Variants in RAPGEF1 observed in about 807,000 individuals in gnomAD.
RAPGEF1 encodes CRK SH3-binding GNRP.
A neutral mutation model predicts 143.3 loss-of-function variants in RAPGEF1; 33 were observed. The observed-to-expected ratio is 0.23, with a 90% confidence interval of 0.17 to 0.31. The LOEUF (loss-of-function observed/expected upper bound fraction) is 0.31. Among genes scored for constraint, RAPGEF1 ranks in the 10% least tolerant of loss-of-function variants. RAPGEF1 has a pLI of 1.00. For missense variants in RAPGEF1, 1,199 were observed against 1,645.4 expected (o/e 0.73, Z 4.69); for synonymous variants, 629 against 676.5 (o/e 0.93, Z 1.09).
intron 5 of RAPGEF1, among the ~76,000 whole-genome samples, chr9:131,637,704 GA>G (rs1966739765): frequency 6.6e-6 from 1 of 152,214 alleles, no homozygotes; most frequent in Admixed American, 6.5e-5. Context: ...GCTAAGGCCT[GA>G]CTGCTCCGTA....
At chr9:131,685,324 T>A (rs1262119798) in intron 1 of RAPGEF1, among the ~76,000 whole-genome samples, 4 of 152,162 alleles carry the variant, frequency 2.6e-5, no homozygotes. Flanking sequence ...CCCCCCAAAA[T>A]CTGGCCATAA....
At chr9:131,737,532 G>T in intron 1 of RAPGEF1, 1 of 1,611,044 alleles carries the variant, frequency 6.2e-7, no homozygotes, top group Non-Finnish European at 8.5e-7. Flanking sequence ...GCGGTGCCCA[G>T]AAAAGGCCCA....
chr9:131,629,011 A>C, intron 7 of RAPGEF1, 91 bp downstream of exon 7: 2 of 1,483,678 alleles, frequency 1.3e-6, no homozygotes, highest in Non-Finnish European at 1.8e-6. Context: ...CCAAGCCCTC[A>C]GCGCTGAGGG....
rs1972268825 is a variant in RAPGEF1, at chr9:131,655,699, T to C, written c.62-4750A>G. ...TGAATCCAGGAGGCAGAGCATGCAG[T>C]GCAAGATTGCACCACTGCACTCCAG... On this transcript the variant is annotated intron_variant, in intron 1 of 26. Transcript: ENST00000683357. The surrounding 1 kb of genome is among the most constrained non-coding windows in gnomAD (Gnocchi z 4.1). Among the ~76,000 whole-genome samples, 1 of 152,128 alleles carries C rather than the reference T, an allele frequency of 6.6e-6. No homozygotes were observed. Among genetic ancestry groups the C allele is most frequent in the Admixed American group, 6.5e-5 (1 of 15,284 alleles).
chr9:131,594,099 G>A (rs1485394142), intron 17 of RAPGEF1, among the ~76,000 whole-genome samples: 2 of 152,180 alleles, frequency 1.3e-5, no homozygotes, highest in East Asian at 1.9e-4. Flanking sequence ...CGGGGTCGGC[G>A]CCCATGTCTG....
chr9:131,729,865 T>A (rs1836913845), intron 1 of RAPGEF1, among the ~76,000 whole-genome samples: 1 of 152,104 alleles, frequency 6.6e-6, no homozygotes, highest in South Asian at 2.1e-4. Context: ...ATCATCCTCA[T>A]CTGGGAAAAA....
rs902525420 is a variant in RAPGEF1, at chr9:131,626,324, A to C, written c.1300T>G (p.Ser434Ala). Reference protein sequence around the residue: ...TAWNLSPLPESLGESGSPFLG... With the variant: ...TAWNLSPLPEALGESGSPFLG... ...AATGGAGACCCAGACTCCCCCAAAG[A>C]CTCTGGCAACGGGCTAAGGTTCCAG... Residue 434 changes from serine (S) to alanine (A), a missense_variant, in exon 10 of 27, where the codon TCT (serine) becomes GCT (alanine). Transcript: ENST00000683357. 1 of 1,613,000 alleles carries C rather than the reference A, an allele frequency of 6.2e-7. No homozygotes were observed. The highest frequency in any genetic ancestry group is 1.7e-5 in the Admixed American group (1 of 59,950).
intron 5 of RAPGEF1, among the ~76,000 whole-genome samples, chr9:131,638,288 T>C (rs1966843115): frequency 6.6e-6 from 1 of 152,238 alleles, no homozygotes; most frequent in Non-Finnish European, 1.5e-5. Context: ...GAAAAGGTAG[T>C]GCTGATATGA....
rs531357163 is a variant in RAPGEF1 at position 131,685,808 on chromosome 9, G to C, written c.62-34859C>G. 2.0e-5 allele frequency among the ~76,000 whole-genome samples: 3 copies of C among 152,256 alleles called. No homozygotes were observed. In the East Asian group the frequency reaches 5.8e-4, roughly 29 times the overall value. On this transcript the variant is annotated intron_variant, in intron 1 of 26. Coordinates refer to ENST00000683357, the MANE Select transcript of RAPGEF1 (RefSeq NM_001377935.1). ...GGGTCTCCCCGACCTAGCTGGTCTT[G>C]GCAGAGGGGCATATAGTGGAGTATG...
chr9:131,619,232 A>T (rs1959970636), intron 11 of RAPGEF1, 26 bp from the exon 12 acceptor site: 2 of 1,298,612 alleles, frequency 1.5e-6, no homozygotes, highest in Non-Finnish European at 2.0e-6. Flanking sequence ...GAGGAGAGAG[A>T]AGGCAGGGAA....
At chr9:131,716,734 T>C (rs1048081159) in intron 1 of RAPGEF1, among the ~76,000 whole-genome samples, 2 of 152,226 alleles carry the variant, frequency 1.3e-5, no homozygotes, top group African/African-American at 4.8e-5. Context: ...GATCGCGCCA[T>C]TGCACTCCAG....
chr9:131,678,785 G>T (rs983793977), intron 1 of RAPGEF1, among the ~76,000 whole-genome samples: 1 of 152,218 alleles, frequency 6.6e-6, no homozygotes, highest in Non-Finnish European at 1.5e-5. Flanking sequence ...AACACACCAG[G>T]AGGCCAGCCT....
At chr9:131,670,513 AAAAGACTTCCAGGC>A (rs965053921) in intron 1 of RAPGEF1, among the ~76,000 whole-genome samples, 3 of 152,220 alleles carry the variant, frequency 2.0e-5, no homozygotes, top group Admixed American at 6.5e-5. Flanking sequence ...AGAGGAGAAG[AAAAGACTTCCAGGC>A]CAGGACTGCT....
At chr9:131,662,175 C>T (rs1450821111) in intron 1 of RAPGEF1, among the ~76,000 whole-genome samples, 2 of 152,214 alleles carry the variant, frequency 1.3e-5, no homozygotes, top group Non-Finnish European at 2.9e-5. Flanking sequence ...ATTCTCTCCT[C>T]TCCCCACCAC....
chr9:131,720,589 A>C (rs1836193493), intron 1 of RAPGEF1, among the ~76,000 whole-genome samples: 1 of 152,134 alleles, frequency 6.6e-6, no homozygotes, highest in African/African-American at 2.4e-5. Flanking sequence ...GCAGGTCCTC[A>C]GGACAGCGAC....
At chr9:131,659,946 G>A (rs568165642) in intron 1 of RAPGEF1, among the ~76,000 whole-genome samples, 1 of 152,250 alleles carries the variant, frequency 6.6e-6, no homozygotes, top group African/African-American at 2.4e-5. Context: ...AGCCTCCTGA[G>A]TAGCTGGAAC....
At chr9:131,711,649 C>T (rs1267858223) in intron 1 of RAPGEF1, among the ~76,000 whole-genome samples, 2 of 152,234 alleles carry the variant, frequency 1.3e-5, no homozygotes, top group Admixed American at 6.5e-5. Context: ...TGAGCCACCA[C>T]GCCCAGCCCT....
In RAPGEF1 at chr9:131,719,811, G is replaced by A. The variant is rs188455986; in HGVS notation, c.61+19959C>T. 2.1e-3 allele frequency among the ~76,000 whole-genome samples: 326 copies of A among 151,676 alleles called. 5 individuals are homozygous for A. Among genetic ancestry groups the A allele is most frequent in the Non-Finnish European group, 5.2e-4 (35 of 67,920 alleles). ...TAAGATTTGTACATAGTCATACACC[G>A]AATTGGGGCAAAGTTAGGGGAATAG... On this transcript the variant is annotated intron_variant, in intron 1 of 26. Transcript: ENST00000683357.
chr9:131,588,811 C>G lies in RAPGEF1; in HGVS notation c.3043G>C (p.Val1015Leu), dbSNP rs1953663901. The change falls in exon 20 of 27, where the codon GTA becomes CTA. Residue 1015 changes from valine to leucine, a missense_variant. This residue lies in a region of RAPGEF1 where 209 missense variants were observed against 403.0 expected (regional missense o/e 0.52). Coordinates refer to ENST00000683357, the MANE Select transcript of RAPGEF1 (RefSeq NM_001377935.1). ...AGGTGGGCTTCTCACCTGGCTGCTA[C>G]CCCCCGGGCTGCCAGGGGCTGGCTG... ...TSSQPLAARGVAARPGTLHDF... is the reference protein window; with the variant it reads ...TSSQPLAARGLAARPGTLHDF... The G allele has an allele frequency of 6.2e-7, 1 of 1,610,290 alleles. No individual in the cohort carries two copies. The highest frequency in any genetic ancestry group is 8.5e-7 in the Non-Finnish European group (1 of 1,178,296).
Sources: gnomAD v4.1 joint callset for allele counts (sites outside exome capture counted in the v4.1 genomes callset) on GRCh38, gnomAD v4.1.1 for gene constraint, gnomAD v4.1.1 regional missense constraint, Gnocchi (gnomAD v3.1) non-coding constraint, MANE v1.5 for transcripts, NCBI Gene and HGNC (gene_info 2026-07-23, HGNC 2026-07-21) for gene names.